The following RASSF8 variants were observed in gnomAD, a reference collection of about 807,000 sequenced individuals.
RASSF8 encodes the protein Ras association domain family member 8.
A neutral mutation model predicts 48.5 loss-of-function variants in RASSF8; 22 were observed. That is an observed-to-expected ratio of 0.45 (90% confidence interval 0.32 to 0.65). The LOEUF (loss-of-function observed/expected upper bound fraction) is 0.65. Among genes scored for constraint, RASSF8 ranks in the 30% least tolerant of loss-of-function variants. The pLI is 0.03. For synonymous variants in RASSF8, 127 were observed against 171.5 expected, an observed-to-expected ratio of 0.74 and a Z score of 2.03; for missense variants, 418 against 489.2, an observed-to-expected ratio of 0.85 and a Z score of 1.37.
intron 2 of RASSF8, among the ~76,000 whole-genome samples, chr12:26,006,252 A>G (rs1444902416): frequency 6.6e-6 from 1 of 152,200 alleles, no homozygotes; most frequent in African/African-American, 2.4e-5. Context: ...GTAGTTTCAG[A>G]AATTGCCATA....
chr12:26,037,880 G>T lies in RASSF8; in HGVS notation c.-108-17356G>T, dbSNP rs147641178. On this transcript the variant is annotated intron_variant, in intron 2 of 5. Coordinates refer to ENST00000689635, the MANE Select transcript of RASSF8 (RefSeq NM_001394098.1). ...CAGTCAGAGACTAAAGGAAAATTGTGCCCTAGCCAGCTAGCCTGAGTGTGA... is the reference window on the plus strand; with the variant it reads ...CAGTCAGAGACTAAAGGAAAATTGTTCCCTAGCCAGCTAGCCTGAGTGTGA... 4.3e-3 allele frequency among the ~76,000 whole-genome samples: 649 copies of T among 152,274 alleles called. 19 individuals are homozygous for T. Among genetic ancestry groups the T allele is most frequent in the South Asian group, 0.017 (84 of 4,814 alleles).
At chr12:26,051,869 A>G (rs1310120454) in intron 2 of RASSF8, among the ~76,000 whole-genome samples, 2 of 152,234 alleles carry the variant, frequency 1.3e-5, no homozygotes, top group African/African-American at 4.8e-5. Context: ...CAAAGTTTAC[A>G]TAATATATAT....
intron 2 of RASSF8, among the ~76,000 whole-genome samples, chr12:26,023,875 T>C (rs1039741667): frequency 6.6e-6 from 1 of 152,200 alleles, no homozygotes; most frequent in Non-Finnish European, 1.5e-5. Context: ...GATGCAAAGA[T>C]GTATTGGAAT....
chr12:25,977,120 G>A (rs1941624496), intron 1 of RASSF8, among the ~76,000 whole-genome samples: 1 of 152,186 alleles, frequency 6.6e-6, no homozygotes, highest in South Asian at 2.1e-4. Flanking sequence ...GAAAGCCTAA[G>A]CGAATAGCTG....
chr12:26,074,164 T>C (rs1944049764), downstream of RASSF8, among the ~76,000 whole-genome samples: 1 of 152,192 alleles, frequency 6.6e-6, no homozygotes, highest in South Asian at 2.1e-4. Context: ...CAGGAACTAC[T>C]GTTAACTCTT....
chr12:26,049,502 T>C (rs1413962290), intron 2 of RASSF8, among the ~76,000 whole-genome samples: 2 of 152,274 alleles, frequency 1.3e-5, no homozygotes, highest in African/African-American at 4.8e-5. Context: ...CCTTCAGTTA[T>C]TCTGCAGCAT....
chr12:26,073,414 T>C (rs1243132070), downstream of RASSF8, among the ~76,000 whole-genome samples: 2 of 152,192 alleles, frequency 1.3e-5, no homozygotes, highest in African/African-American at 4.8e-5. Flanking sequence ...TAGGAATATT[T>C]TTATAAGAAG....
intron 3 of RASSF8, among the ~76,000 whole-genome samples, chr12:26,056,533 A>G (rs1202445617): frequency 6.6e-6 from 1 of 152,232 alleles, no homozygotes; most frequent in African/African-American, 2.4e-5. Flanking sequence ...TATTGGAAGC[A>G]TGTCAATTAG....
downstream of RASSF8, among the ~76,000 whole-genome samples, chr12:26,073,786 T>C (rs1387405757): frequency 1.8e-5 from 1 of 56,638 alleles, no homozygotes; most frequent in African/African-American, 7.3e-5. Context: ...CATATATATA[T>C]ACACATTATG....
intron 5 of RASSF8, 45 bp from the exon 6 acceptor site, chr12:26,068,652 C>CA (rs1943934935): frequency 7.0e-7 from 1 of 1,427,978 alleles, no homozygotes; most frequent in Non-Finnish European, 9.5e-7. Context: ...CTAAGTACTC[C>CA]AAGTTGACGA....
intron 1 of RASSF8, among the ~76,000 whole-genome samples, chr12:25,994,278 TAAAAAA>T (rs57936692): frequency 1.4e-5 from 2 of 138,944 alleles, no homozygotes; most frequent in Non-Finnish European, 3.2e-5. Context: ...GATAGATTTT[TAAAAAA>T]AAAAAAAATG....
intron 2 of RASSF8, among the ~76,000 whole-genome samples, chr12:26,017,407 G>C (rs1477707187): frequency 6.6e-6 from 1 of 152,176 alleles, no homozygotes; most frequent in Admixed American, 6.5e-5. Context: ...AAGACTAGCA[G>C]ATGTAATATT....
chr12:26,057,590 G>T (rs1038000559), intron 3 of RASSF8, among the ~76,000 whole-genome samples: 8 of 152,092 alleles, frequency 5.3e-5, no homozygotes, highest in Non-Finnish European at 7.4e-5. Context: ...ATAAACATAC[G>T]TGTGCGTGTG....
intron 2 of RASSF8, among the ~76,000 whole-genome samples, chr12:26,016,762 A>G (rs528917907): frequency 6.6e-6 from 1 of 152,262 alleles, no homozygotes; most frequent in East Asian, 1.9e-4. Context: ...TTTCTTGCCT[A>G]ATGTTACTTG....
chr12:25,973,018 C>G lies in RASSF8; in HGVS notation c.-203+13870C>G, dbSNP rs561714660. Among the ~76,000 whole-genome samples, 45 of 152,070 alleles carry G rather than the reference C, an allele frequency of 3.0e-4. No homozygotes were observed. The South Asian group carries it at 8.5e-3, about 29-fold the overall frequency. On this transcript the variant is annotated intron_variant, in intron 1 of 5. Transcript: ENST00000689635. ...TCATTCATATTGCGTATAACTGTAG[C>G]TTGTTCATTCTTTTTTTTATGGATG...
intron 2 of RASSF8, among the ~76,000 whole-genome samples, chr12:26,053,371 A>G (rs1424946318): frequency 6.6e-6 from 1 of 152,184 alleles, no homozygotes; most frequent in African/African-American, 2.4e-5. Context: ...CAATATATTA[A>G]TCTTAGGCCA....
chr12:26,010,952 G>T (rs1009634851), intron 2 of RASSF8, among the ~76,000 whole-genome samples: 3 of 152,022 alleles, frequency 2.0e-5, no homozygotes, highest in Non-Finnish European at 4.4e-5. Flanking sequence ...TTTAAGTGTT[G>T]TAAGGGCCCT....
intron 1 of RASSF8, among the ~76,000 whole-genome samples, chr12:25,960,749 T>G (rs2136809065): frequency 6.6e-6 from 1 of 152,292 alleles, no homozygotes; most frequent in Middle Eastern, 3.4e-3. Context: ...CTTTCTAGGT[T>G]TATTGATCAA....
chr12:26,029,297 A>G (rs1418514251), intron 2 of RASSF8, among the ~76,000 whole-genome samples: 2 of 152,222 alleles, frequency 1.3e-5, no homozygotes, highest in Non-Finnish European at 2.9e-5. Flanking sequence ...TAGCTGGGGA[A>G]AGAAGAACAT....
Sources: gnomAD v4.1 joint callset for allele counts (sites outside exome capture counted in the v4.1 genomes callset) on GRCh38, gnomAD v4.1.1 for gene constraint, MANE v1.5 for transcripts, NCBI Gene and HGNC (gene_info 2026-07-23, HGNC 2026-07-21) for gene names.